ROCK1: variants seen among roughly 807,000 people sequenced by gnomAD.
ROCK1 encodes the protein Rho associated coiled-coil containing protein kinase 1, also known as rho-associated protein kinase 1.
A neutral mutation model predicts 196.8 loss-of-function variants in ROCK1; 36 were observed. That is an observed-to-expected ratio of 0.18 (90% confidence interval 0.14 to 0.24). The LOEUF is 0.24. ROCK1 is among the 10% of genes least tolerant of loss of function. ROCK1 has a pLI of 1.00. For missense variants in ROCK1, 920 were observed against 1,562.0 expected, an observed-to-expected ratio of 0.59 and a Z score of 6.93; for synonymous variants, 443 against 515.9, an observed-to-expected ratio of 0.86 and a Z score of 1.91.
intron 27 of ROCK1, among the ~76,000 whole-genome samples, chr18:20,962,566 C>T (rs1299795585): frequency 6.6e-6 from 1 of 152,054 alleles, no homozygotes; most frequent in East Asian, 1.9e-4. Context: ...TTTAATATAT[C>T]TTCAATAAGT....
intron 16 of ROCK1, among the ~76,000 whole-genome samples, chr18:20,997,158 C>T (rs773154460): frequency 5.9e-5 from 9 of 151,934 alleles, no homozygotes; most frequent in Non-Finnish European, 1.0e-4. Context: ...CATGGAGTGG[C>T]TGAATGGACC....
At chr18:21,092,860 T>A (rs1432933283) in intron 1 of ROCK1, among the ~76,000 whole-genome samples, 1 of 152,138 alleles carries the variant, frequency 6.6e-6, no homozygotes, top group Non-Finnish European at 1.5e-5. Context: ...CACACAGGTA[T>A]CCCTCTCTTA....
At chr18:20,962,414 A>G (rs535736063) in intron 27 of ROCK1, among the ~76,000 whole-genome samples, 9 of 152,310 alleles carry the variant, frequency 5.9e-5, no homozygotes, top group Admixed American at 1.3e-4. Flanking sequence ...CCAAAAACAA[A>G]GATATAAAAG....
rs763969245 is a variant in ROCK1 at position 21,039,573 on chromosome 18, G to A, written c.960-10C>T. The A allele has an allele frequency of 5.7e-6, 9 of 1,571,698 alleles. No homozygotes were observed. In the South Asian group the frequency reaches 1.0e-4, roughly 17 times the overall value. On this transcript the variant is annotated splice_polypyrimidine_tract_variant and intron_variant, in intron 8 of 32. Transcript: ENST00000399799. ...CCCTAACCTCACTTCCCTGAATAAT[G>A]ACAGAAGGAGAAAAGTAATCAATCA...
intron 1 of ROCK1, among the ~76,000 whole-genome samples, chr18:21,074,470 G>A (rs1448650807): frequency 6.6e-6 from 1 of 152,098 alleles, no homozygotes; most frequent in African/African-American, 2.4e-5. Flanking sequence ...GCTGGGCTTA[G>A]GCCACAGTGT....
chr18:21,091,848 T>C (rs1262540287), intron 1 of ROCK1, among the ~76,000 whole-genome samples: 3 of 151,686 alleles, frequency 2.0e-5, no homozygotes, highest in Non-Finnish European at 4.4e-5. Flanking sequence ...CGTATGCCTA[T>C]AATCCCAGCT....
At chr18:21,087,706 T>C (rs148728347) in intron 1 of ROCK1, among the ~76,000 whole-genome samples, 2 of 151,782 alleles carry the variant, frequency 1.3e-5, no homozygotes, top group African/African-American at 4.8e-5. Flanking sequence ...AAAAGAGAAA[T>C]AGACAAATCT....
At chr18:21,066,262 T>C (rs1598549952) in intron 2 of ROCK1, among the ~76,000 whole-genome samples, 3 of 152,304 alleles carry the variant, frequency 2.0e-5, no homozygotes, top group East Asian at 3.9e-4. Context: ...TATGTTTATT[T>C]ACACTTATAA....
intron 22 of ROCK1, among the ~76,000 whole-genome samples, chr18:20,976,148 C>G (rs982145305): frequency 1.4e-5 from 2 of 143,748 alleles, no homozygotes; most frequent in African/African-American, 5.9e-5. Context: ...CAACAGTGCC[C>G]CCTGCATCTA....
intron 11 of ROCK1, among the ~76,000 whole-genome samples, chr18:21,021,132 T>C (rs574040247): frequency 6.6e-6 from 1 of 152,300 alleles, no homozygotes; most frequent in East Asian, 1.9e-4. Flanking sequence ...GCACAATGTA[T>C]GACCAAACCG....
intron 1 of ROCK1, among the ~76,000 whole-genome samples, chr18:21,092,826 T>C (rs1454172338): frequency 1.3e-5 from 2 of 152,224 alleles, no homozygotes; most frequent in Non-Finnish European, 2.9e-5. Flanking sequence ...ATCCTCACTA[T>C]GACATATCAT....
At chr18:21,065,443 C>T (rs2036326058) in intron 2 of ROCK1, among the ~76,000 whole-genome samples, 1 of 151,840 alleles carries the variant, frequency 6.6e-6, no homozygotes. Context: ...ATGGTCTTAC[C>T]TTCTCCATTA....
At chr18:20,997,046 A>G (rs62089200) in intron 16 of ROCK1, among the ~76,000 whole-genome samples, 18 of 152,172 alleles carry the variant, frequency 1.2e-4, no homozygotes, top group Non-Finnish European at 2.4e-4. Flanking sequence ...GGAAGAGAAG[A>G]CCACAAAACA....
chr18:20,969,737 A>G (rs971228728), intron 23 of ROCK1, among the ~76,000 whole-genome samples: 3 of 152,162 alleles, frequency 2.0e-5, no homozygotes, highest in Admixed American at 2.0e-4. Flanking sequence ...TTTATAGATG[A>G]GAAATCTGAG....
At chr18:21,012,303 T>C (rs2035825989) in intron 13 of ROCK1, among the ~76,000 whole-genome samples, 2 of 152,180 alleles carry the variant, frequency 1.3e-5, no homozygotes, top group Non-Finnish European at 2.9e-5. Context: ...TCTTTTGCAA[T>C]TCCTTTAGGG....
intron 22 of ROCK1, among the ~76,000 whole-genome samples, chr18:20,971,806 A>AT (rs1262905444): frequency 6.6e-6 from 1 of 152,142 alleles, no homozygotes; most frequent in Non-Finnish European, 1.5e-5. Flanking sequence ...AACAAGTGCT[A>AT]TATAGTATGC....
intron 10 of ROCK1, among the ~76,000 whole-genome samples, chr18:21,028,347 T>A (rs1022898441): frequency 4.0e-5 from 6 of 151,318 alleles, no homozygotes; most frequent in African/African-American, 1.5e-4. Flanking sequence ...ACCCAGGAGG[T>A]GGAGGTTGCA....
intron 29 of ROCK1, among the ~76,000 whole-genome samples, chr18:20,956,785 T>C (rs1483070968): frequency 6.6e-6 from 1 of 152,082 alleles, no homozygotes; most frequent in Non-Finnish European, 1.5e-5. Context: ...ATTTCTAACA[T>C]AGGATTCTTA....
chr18:20,992,743 A>G (rs2035637231), intron 17 of ROCK1, 88 bp downstream of exon 17: 4 of 754,008 alleles, frequency 5.3e-6, no homozygotes, highest in Non-Finnish European at 8.5e-6. Flanking sequence ...AACATTAAGA[A>G]TAAATGCTAT....
Sources: allele counts gnomAD v4.1 joint callset (sites outside exome capture counted in the v4.1 genomes callset), GRCh38; gene constraint gnomAD v4.1.1; transcripts MANE v1.5; gene names NCBI Gene and HGNC (gene_info 2026-07-23, HGNC 2026-07-21).